The following OTUD7A variants were observed in gnomAD, a reference collection of about 807,000 sequenced individuals.
OTUD7A encodes OTU deubiquitinase 7A, also known as OTU domain-containing protein 7A.
OTUD7A carries 12 observed loss-of-function variants against 65.7 expected under a neutral mutation model. That is an observed-to-expected ratio of 0.18 (90% confidence interval 0.12 to 0.30). The LOEUF is 0.30. Ranked by LOEUF, OTUD7A falls within the 10% of genes least tolerant of loss-of-function variation. The pLI is 1.00. For synonymous variants in OTUD7A, 641 were observed against 586.3 expected (o/e 1.09, Z -1.35); for missense variants, 1,148 against 1,304.8 (o/e 0.88, Z 1.85).
chr15:31,585,740 A>G (rs1889514832), intron 3 of OTUD7A, among the ~76,000 whole-genome samples: 1 of 152,182 alleles, frequency 6.6e-6, no homozygotes, highest in African/African-American at 2.4e-5. Context: ...ATGTGTATAC[A>G]TATATGTGTA....
chr15:31,593,607 G>A (rs1338210532), intron 3 of OTUD7A, among the ~76,000 whole-genome samples: 2 of 152,270 alleles, frequency 1.3e-5, no homozygotes, highest in Non-Finnish European at 2.9e-5. Context: ...TAGGGGCCAG[G>A]ACATGGAGGC....
At chr15:31,530,672 G>T in intron 6 of OTUD7A, 35 bp downstream of exon 6, 1 of 1,585,036 alleles carries the variant, frequency 6.3e-7, no homozygotes, top group Non-Finnish European at 8.6e-7. Flanking sequence ...CAGGCCTGGA[G>T]CCTGGCCACC....
chr15:31,591,825 G>A (rs967865722), intron 3 of OTUD7A, among the ~76,000 whole-genome samples: 3 of 152,120 alleles, frequency 2.0e-5, no homozygotes, highest in Non-Finnish European at 2.9e-5. Context: ...ATCATTGTGC[G>A]AACGAACATC....
chr15:31,615,020 T>C (rs535386165), intron 3 of OTUD7A, among the ~76,000 whole-genome samples: 14 of 152,262 alleles, frequency 9.2e-5, no homozygotes, highest in African/African-American at 3.4e-4. Flanking sequence ...GGGAAGAAGC[T>C]AATAGAATAG....
At chr15:31,564,180 C>G (rs1888788232) in intron 4 of OTUD7A, among the ~76,000 whole-genome samples, 2 of 152,064 alleles carry the variant, frequency 1.3e-5, no homozygotes, top group South Asian at 4.2e-4. Flanking sequence ...AACATCAGGT[C>G]AAGTGAATCT....
intron 3 of OTUD7A, among the ~76,000 whole-genome samples, chr15:31,610,051 A>C (rs1890354654): frequency 6.6e-6 from 1 of 152,206 alleles, no homozygotes; most frequent in African/African-American, 2.4e-5. Flanking sequence ...AAGAATCTGA[A>C]CAGCCTTCAG....
intron 1 of OTUD7A, among the ~76,000 whole-genome samples, chr15:31,712,995 A>C (rs369712995): frequency 1.3e-5 from 2 of 152,198 alleles, no homozygotes; most frequent in Non-Finnish European, 2.9e-5. Context: ...TAGATGTGTC[A>C]TCTGTTACAC....
chr15:31,713,529 G>T (rs1409613543), intron 1 of OTUD7A, among the ~76,000 whole-genome samples: 2 of 152,114 alleles, frequency 1.3e-5, no homozygotes, highest in Non-Finnish European at 2.9e-5. Context: ...TGAGGCAGAA[G>T]AATCGCTTAA....
At chr15:31,569,288 G>A (rs868218821) in intron 4 of OTUD7A, among the ~76,000 whole-genome samples, 2 of 152,122 alleles carry the variant, frequency 1.3e-5, no homozygotes, top group Non-Finnish European at 2.9e-5. Flanking sequence ...TAATAACAAC[G>A]ACAAAAACCC....
At chr15:31,790,936 T>C (rs934602934) in intron 1 of OTUD7A, among the ~76,000 whole-genome samples, 1 of 152,224 alleles carries the variant, frequency 6.6e-6, no homozygotes, top group Non-Finnish European at 1.5e-5. Context: ...GTGACATTTT[T>C]CCACAGTATT....
rs535920865 is a variant in OTUD7A, at chr15:31,631,583, C to T, written c.151+23513G>A. On this transcript the variant is annotated intron_variant, in intron 3 of 12. Transcript: ENST00000307050. ...TTATGTGTCTTGGAGCTGCTCTTCTCGAGGAGTATCTTTGTGGCGTTCTCT... is the reference window on the plus strand; with the variant it reads ...TTATGTGTCTTGGAGCTGCTCTTCTTGAGGAGTATCTTTGTGGCGTTCTCT... 1.1e-4 allele frequency among the ~76,000 whole-genome samples: 16 copies of T among 152,260 alleles called. No homozygotes were observed. The East Asian group carries it at 1.2e-3, about 11-fold the overall frequency.
intron 1 of OTUD7A, among the ~76,000 whole-genome samples, chr15:31,821,663 C>T (rs1225556827): frequency 6.6e-6 from 1 of 152,062 alleles, no homozygotes; most frequent in Non-Finnish European, 1.5e-5. Flanking sequence ...TATGGAAATT[C>T]TATGTTTAAT....
chr15:31,775,903 C>T (rs774072409), intron 1 of OTUD7A, among the ~76,000 whole-genome samples: 3 of 152,206 alleles, frequency 2.0e-5, no homozygotes, highest in African/African-American at 4.8e-5. Flanking sequence ...TTTCCAGCAG[C>T]AGTGCATTCA....
At chr15:31,738,698 C>T (rs888357108) in intron 1 of OTUD7A, among the ~76,000 whole-genome samples, 2 of 152,206 alleles carry the variant, frequency 1.3e-5, no homozygotes, top group Non-Finnish European at 2.9e-5. Flanking sequence ...AGCCTGTTGA[C>T]TCCTGAAATC....
intron 1 of OTUD7A, among the ~76,000 whole-genome samples, chr15:31,741,659 C>T (rs1016261366): frequency 8.6e-5 from 13 of 151,684 alleles, no homozygotes; most frequent in African/African-American, 2.4e-4. Flanking sequence ...TTCACAAAAA[C>T]GTAGTAAGAG....
chr15:31,865,030 C>T (rs1228176564), intron 1 of OTUD7A, among the ~76,000 whole-genome samples: 2 of 99,192 alleles, frequency 2.0e-5, no homozygotes, highest in East Asian at 3.7e-4. Flanking sequence ...TTGTGGCCCC[C>T]CCCTGGGGTT....
chr15:31,698,135 C>CATCTTTTA (rs1893126718), intron 1 of OTUD7A, among the ~76,000 whole-genome samples: 1 of 152,216 alleles, frequency 6.6e-6, no homozygotes, highest in South Asian at 2.1e-4. Flanking sequence ...GTGACAATTC[C>CATCTTTTA]ATCTTTTATT....
At chr15:31,531,672 A>C (rs982303597) in intron 5 of OTUD7A, among the ~76,000 whole-genome samples, 9 of 151,988 alleles carry the variant, frequency 5.9e-5, no homozygotes, top group African/African-American at 2.2e-4. Flanking sequence ...TAACCCGACC[A>C]CCACCCCTGC....
intron 1 of OTUD7A, among the ~76,000 whole-genome samples, chr15:31,731,652 C>A (rs1894046604): frequency 6.6e-6 from 1 of 152,224 alleles, no homozygotes; most frequent in East Asian, 1.9e-4. Context: ...TTGTCTAAAC[C>A]CGTGGAGTGT....
Sources: gnomAD v4.1 joint callset for allele counts (sites outside exome capture counted in the v4.1 genomes callset) on GRCh38, gnomAD v4.1.1 for gene constraint, MANE v1.5 for transcripts, NCBI Gene and HGNC (gene_info 2026-07-23, HGNC 2026-07-21) for gene names.